Variants in TUBGCP3 observed in about 807,000 individuals in gnomAD.
TUBGCP3 encodes the protein tubulin gamma complex component 3, also known as gamma-tubulin complex component 3.
In TUBGCP3, 50 loss-of-function variants were observed where a neutral mutation model predicts 123.1. That is an observed-to-expected ratio of 0.41 (90% CI 0.32 to 0.51). The LOEUF is 0.51. TUBGCP3 is among the 20% of genes least tolerant of loss of function. The probability of loss-of-function intolerance (pLI) is 0.36; values close to 1 mark genes in which losing one functional copy is unlikely to be tolerated. For synonymous variants in TUBGCP3, 405 were observed against 413.9 expected (o/e 0.98, Z 0.26); for missense variants, 882 against 1,127.0 (o/e 0.78, Z 3.11).
intron 20 of TUBGCP3, among the ~76,000 whole-genome samples, chr13:112,495,041 T>C (rs1880438970): frequency 6.6e-6 from 1 of 152,214 alleles, no homozygotes; most frequent in South Asian, 2.1e-4. Context: ...TTGTTGATTG[T>C]TTCCTTTGGG....
At chr13:112,516,885 G>A (rs1484273229) in intron 16 of TUBGCP3, among the ~76,000 whole-genome samples, 1 of 152,174 alleles carries the variant, frequency 6.6e-6, no homozygotes, top group Non-Finnish European at 1.5e-5. Context: ...CCGTGAGGCA[G>A]GGGTGCACTT....
chr13:112,534,915 C>A (rs372021689), intron 11 of TUBGCP3, among the ~76,000 whole-genome samples: 1 of 152,180 alleles, frequency 6.6e-6, no homozygotes, highest in Non-Finnish European at 1.5e-5. Context: ...AGAGAAACTC[C>A]GTACCCATTA....
At chr13:112,518,209 T>C (rs1424487074) in intron 16 of TUBGCP3, among the ~76,000 whole-genome samples, 1 of 152,118 alleles carries the variant, frequency 6.6e-6, no homozygotes, top group African/African-American at 2.4e-5. Context: ...ATGCAATTAT[T>C]GCAGCAGCGT....
At chr13:112,550,505 CA>C (rs770810269) in intron 8 of TUBGCP3, among the ~76,000 whole-genome samples, 4 of 152,204 alleles carry the variant, frequency 2.6e-5, no homozygotes, top group East Asian at 1.9e-4. Flanking sequence ...TGAGACAGAC[CA>C]GGGGGTAAAA....
At chr13:112,512,575 A>C (rs1044373505) in intron 17 of TUBGCP3, among the ~76,000 whole-genome samples, 3 of 152,018 alleles carry the variant, frequency 2.0e-5, no homozygotes. Flanking sequence ...CTCTACTAAA[A>C]CTACAAAAAA....
Position 112,564,273 on chromosome 13 carries a change from T to G in TUBGCP3, c.252+838A>C, listed in dbSNP as rs186033502. Among the ~76,000 whole-genome samples, 3 of 152,236 alleles carry G rather than the reference T, an allele frequency of 2.0e-5. No homozygotes were observed. In the East Asian group the frequency reaches 5.8e-4, roughly 29 times the overall value. On this transcript the variant is annotated intron_variant, in intron 3 of 21. Transcript: ENST00000261965. ...AACTAAGCTTGTTTCCAGAGCACAA[T>G]ATAACAACAGAGGAAGACTCAAAAT...
At chr13:112,595,897 G>A in the TUBGCP3 span, among the ~76,000 whole-genome samples, 1,314 of 152,012 alleles carry the variant, frequency 8.6e-3, 17 homozygotes, top group African/African-American at 0.03. Context: ...GCTTTCCTGT[G>A]AATTATTTGA....
intron 11 of TUBGCP3, among the ~76,000 whole-genome samples, chr13:112,540,945 C>G (rs961903675): frequency 6.6e-6 from 1 of 152,072 alleles, no homozygotes; most frequent in African/African-American, 2.4e-5. Flanking sequence ...AAAACATGAA[C>G]ATTAGCCTTA....
the TUBGCP3 span, among the ~76,000 whole-genome samples, chr13:112,601,724 C>T: frequency 6.6e-6 from 1 of 152,308 alleles, no homozygotes; most frequent in African/African-American, 2.4e-5. Context: ...CCTATACAAC[C>T]TTCTCAAAGC....
chr13:112,489,358 T>G (rs1879919215), intron 21 of TUBGCP3, among the ~76,000 whole-genome samples: 1 of 152,248 alleles, frequency 6.6e-6, no homozygotes, highest in Non-Finnish European at 1.5e-5. Flanking sequence ...GGGGCCACCC[T>G]TTGGCCAGGG....
chr13:112,520,500 T>C (rs2139063196), intron 14 of TUBGCP3, among the ~76,000 whole-genome samples: 1 of 151,992 alleles, frequency 6.6e-6, no homozygotes. Context: ...CTACACTGCC[T>C]GGGTGACAGA....
intron 13 of TUBGCP3, 42 bp from the exon 14 acceptor site, chr13:112,522,551 T>G: frequency 6.4e-7 from 1 of 1,569,378 alleles, no homozygotes; most frequent in Non-Finnish European, 8.7e-7. Flanking sequence ...CATATGTAAT[T>G]TGTATTTCCA....
chr13:112,534,547 A>AACAAC (rs1877878924), intron 11 of TUBGCP3, among the ~76,000 whole-genome samples: 1 of 152,124 alleles, frequency 6.6e-6, no homozygotes, highest in Non-Finnish European at 1.5e-5. Context: ...ACTCCGTCTC[A>AACAAC]AAAACAAAAC....
rs368055795 is a variant in TUBGCP3 at position 112,550,894 on chromosome 13, T to C, written c.967-2718A>G. Among the ~76,000 whole-genome samples the C allele has an allele frequency of 1.7e-3, 257 of 152,144 alleles. 1 individual carries two copies. Among genetic ancestry groups the C allele is most frequent in the South Asian group, 6.2e-3 (30 of 4,816 alleles). ...CGGGCAGATCATGAGGTCAGGAGAT[T>C]AAGACCATCCTGGCTAACACAGTGA... is the stretch of plus-strand genomic sequence containing the variant. On this transcript the variant is annotated intron_variant, in intron 8 of 21. Transcript: ENST00000261965.
intron 20 of TUBGCP3, among the ~76,000 whole-genome samples, chr13:112,492,835 C>A (rs1880203127): frequency 6.6e-6 from 1 of 151,208 alleles, no homozygotes; most frequent in Non-Finnish European, 1.5e-5. Flanking sequence ...GGGAACATGG[C>A]CTGGTGTGCC....
intron 20 of TUBGCP3, among the ~76,000 whole-genome samples, chr13:112,490,758 C>G (rs1037417803): frequency 6.6e-6 from 1 of 152,206 alleles, no homozygotes; most frequent in Non-Finnish European, 1.5e-5. Flanking sequence ...CGTGATTCTT[C>G]TTACACAATT....
intron 11 of TUBGCP3, among the ~76,000 whole-genome samples, chr13:112,531,723 C>A (rs1156986570): frequency 6.6e-6 from 1 of 152,014 alleles, no homozygotes; most frequent in African/African-American, 2.4e-5. Context: ...AAGGAGCATG[C>A]AATCACTCCA....
intron 16 of TUBGCP3, 53 bp from the exon 17 acceptor site, chr13:112,516,628 C>A: frequency 6.5e-7 from 1 of 1,540,484 alleles, no homozygotes. Context: ...AGAATCCTCT[C>A]AGTACAGGTC....
At chr13:112,590,281 A>G (rs1882860665), upstream of TUBGCP3, among the ~76,000 whole-genome samples, 1 of 152,110 alleles carries the variant, frequency 6.6e-6, no homozygotes, top group Non-Finnish European at 1.5e-5. Flanking sequence ...CGGTCCAGCC[A>G]TCTTTCTTAA....
Sources: allele counts gnomAD v4.1 joint callset (sites outside exome capture counted in the v4.1 genomes callset), GRCh38; gene constraint gnomAD v4.1.1; transcripts MANE v1.5; gene names NCBI Gene and HGNC (gene_info 2026-07-23, HGNC 2026-07-21).